Variants in CTNNA3 observed in about 807,000 individuals in gnomAD.
The protein encoded by CTNNA3 is catenin alpha 3.
CTNNA3 carries 76 observed loss-of-function variants against 95.7 expected under a neutral mutation model. The ratio of observed to expected loss-of-function variants is 0.79; its 90% confidence interval spans 0.66 to 0.96. CTNNA3 has a LOEUF of 0.96. CTNNA3 is among the 40% of genes least tolerant of loss of function. The probability of loss-of-function intolerance (pLI) is 0.00; values close to 1 mark genes in which losing one functional copy is unlikely to be tolerated. For synonymous variants in CTNNA3, 431 were observed against 374.4 expected, an observed-to-expected ratio of 1.15 and a Z score of -1.74; for missense variants, 1,191 against 1,089.8, an observed-to-expected ratio of 1.09 and a Z score of -1.31.
At chr10:67,681,143 T>C (rs1398999477) in intron 1 of CTNNA3, among the ~76,000 whole-genome samples, 1 of 152,200 alleles carries the variant, frequency 6.6e-6, no homozygotes, top group East Asian at 1.9e-4. Flanking sequence ...CTGTTAAATG[T>C]CCACAGACCA....
At chr10:66,857,084 T>C (rs921804689) in intron 7 of CTNNA3, among the ~76,000 whole-genome samples, 4 of 151,990 alleles carry the variant, frequency 2.6e-5, no homozygotes, top group Admixed American at 1.3e-4. Context: ...TTTTTGTAAA[T>C]GGTATAAGGA....
intron 11 of CTNNA3, among the ~76,000 whole-genome samples, chr10:66,402,566 T>C (rs1425097192): frequency 6.6e-6 from 1 of 152,174 alleles, no homozygotes; most frequent in Non-Finnish European, 1.5e-5. Context: ...ATTATTGAGA[T>C]AGAGCAGGGA....
At chr10:67,549,859 C>T (rs551486590) in intron 3 of CTNNA3, among the ~76,000 whole-genome samples, 2 of 152,170 alleles carry the variant, frequency 1.3e-5, no homozygotes, top group Admixed American at 1.3e-4. Flanking sequence ...CATTCTTCAA[C>T]ACACAGAGTT....
chr10:66,919,369 T>A (rs973783522), intron 7 of CTNNA3, among the ~76,000 whole-genome samples: 1 of 152,174 alleles, frequency 6.6e-6, no homozygotes, highest in Admixed American at 6.5e-5. Flanking sequence ...AGTCATATAG[T>A]CTTTTCAGCC....
chr10:66,182,470 T>G (rs2086100226), intron 13 of CTNNA3, among the ~76,000 whole-genome samples: 1 of 152,072 alleles, frequency 6.6e-6, no homozygotes. Flanking sequence ...TTAGCCAGGA[T>G]GGTCTCGATC....
At chr10:66,323,786 C>A (rs547021623) in intron 12 of CTNNA3, among the ~76,000 whole-genome samples, 1 of 152,106 alleles carries the variant, frequency 6.6e-6, no homozygotes, top group African/African-American at 2.4e-5. Context: ...TTTTGGCCTG[C>A]CATGTCCCTA....
At chr10:66,360,703 TCTTTCCTCCTTCCTTTCTTC>T (rs1383019954) in intron 12 of CTNNA3, among the ~76,000 whole-genome samples, 40 of 130,714 alleles carry the variant, frequency 3.1e-4, no homozygotes, top group Non-Finnish European at 5.0e-4. Context: ...TTTCTTTCTT[TCTTTCCTCCTTCCTTTCTTC>T]CTTTCTTTCT....
chr10:67,098,011 G>T (rs1469451350), intron 7 of CTNNA3: 5 of 561,844 alleles, frequency 8.9e-6, no homozygotes, highest in Admixed American at 3.1e-5. Flanking sequence ...AGTATTTTTT[G>T]ACTTAAACAG....
intron 5 of CTNNA3, among the ~76,000 whole-genome samples, chr10:67,337,852 G>T (rs1258607245): frequency 6.6e-6 from 1 of 152,068 alleles, no homozygotes; most frequent in Admixed American, 6.5e-5. Flanking sequence ...AGTGTTTTTG[G>T]ATATAATGCA....
In CTNNA3 at chr10:67,171,258, T is replaced by C. The variant is rs2132113691; in HGVS notation, c.1047+9059A>G. 2.0e-5 allele frequency among the ~76,000 whole-genome samples: 3 copies of C among 152,260 alleles called. No individual in the cohort carries two copies. In the South Asian group the frequency reaches 6.2e-4, roughly 32 times the overall value. On this transcript the variant is annotated intron_variant, in intron 7 of 17. Coordinates refer to ENST00000433211, the MANE Select transcript of CTNNA3 (RefSeq NM_013266.4). ...CTTGCTAAATCTTATGTGAGACATA[T>C]AAGCATATTCAAAGTAAATATTTTG...
At chr10:66,631,783 A>G (rs1178595285) in intron 9 of CTNNA3, among the ~76,000 whole-genome samples, 1 of 152,166 alleles carries the variant, frequency 6.6e-6, no homozygotes, top group African/African-American at 2.4e-5. Context: ...AGATGCAAAT[A>G]TTGTTAACAA....
chr10:67,553,399 T>A (rs951671979), intron 3 of CTNNA3, among the ~76,000 whole-genome samples: 1 of 152,168 alleles, frequency 6.6e-6, no homozygotes, highest in Non-Finnish European at 1.5e-5. Context: ...GTTCATAAGC[T>A]GTGATCCTGG....
At chr10:66,525,809 T>C (rs1284018439) in intron 10 of CTNNA3, among the ~76,000 whole-genome samples, 2 of 152,172 alleles carry the variant, frequency 1.3e-5, no homozygotes, top group Non-Finnish European at 2.9e-5. Context: ...AGCTTCCCAT[T>C]CTTCCTTCCC....
chr10:66,074,192 A>G lies in CTNNA3; in HGVS notation c.1978-4703T>C, dbSNP rs150293162. ...ATGTAGTTATATTTTGTTTATTCTCATTGCTCTATACAGATATTATTCCAC... is the reference window on the plus strand; with the variant it reads ...ATGTAGTTATATTTTGTTTATTCTCGTTGCTCTATACAGATATTATTCCAC... On this transcript the variant is annotated intron_variant, in intron 14 of 17. Coordinates refer to ENST00000433211, the MANE Select transcript of CTNNA3 (RefSeq NM_013266.4). Among the ~76,000 whole-genome samples the G allele has an allele frequency of 3.0e-4, 45 of 151,098 alleles. No homozygotes were observed. The East Asian group carries it at 5.9e-3, about 20-fold the overall frequency.
chr10:66,727,625 T>G (rs1176691383), intron 9 of CTNNA3, among the ~76,000 whole-genome samples: 3 of 152,098 alleles, frequency 2.0e-5, no homozygotes, highest in Non-Finnish European at 2.9e-5. Flanking sequence ...ACTGGTAGGA[T>G]AAATCTAATA....
intron 2 of CTNNA3, among the ~76,000 whole-genome samples, chr10:67,628,979 A>G (rs1839049334): frequency 6.6e-6 from 1 of 152,058 alleles, no homozygotes; most frequent in Non-Finnish European, 1.5e-5. Flanking sequence ...AAGTGAATCA[A>G]TGAACTGTGT....
At chr10:66,026,864 G>A (rs527429664) in intron 15 of CTNNA3, among the ~76,000 whole-genome samples, 1 of 152,192 alleles carries the variant, frequency 6.6e-6, no homozygotes, top group South Asian at 2.1e-4. Flanking sequence ...AAATACTACT[G>A]TATGAAAATG....
intron 5 of CTNNA3, among the ~76,000 whole-genome samples, chr10:67,288,862 G>T (rs1028453863): frequency 6.6e-6 from 1 of 152,090 alleles, no homozygotes; most frequent in Non-Finnish European, 1.5e-5. Flanking sequence ...TACATGAAAG[G>T]CCAGGGCAGG....
chr10:67,322,754 G>C (rs1174972245), intron 5 of CTNNA3, among the ~76,000 whole-genome samples: 1 of 152,142 alleles, frequency 6.6e-6, no homozygotes, highest in African/African-American at 2.4e-5. Context: ...TTGAATTGCT[G>C]GATCAAATGA....
Sources: gnomAD v4.1 joint callset for allele counts (sites outside exome capture counted in the v4.1 genomes callset) on GRCh38, gnomAD v4.1.1 for gene constraint, MANE v1.5 for transcripts, NCBI Gene and HGNC (gene_info 2026-07-23, HGNC 2026-07-21) for gene names.